The following SLC9A9 variants were observed in gnomAD, a reference collection of about 807,000 sequenced individuals.
SLC9A9 encodes solute carrier family 9 member A9.
A neutral mutation model predicts 77.8 loss-of-function variants in SLC9A9; 62 were observed. The ratio of observed to expected loss-of-function variants is 0.80; its 90% CI spans 0.65 to 0.98. SLC9A9 has a LOEUF of 0.98. Ranked by LOEUF, SLC9A9 falls within the 50% of genes least tolerant of loss-of-function variation. SLC9A9 has a pLI of 0.00. For missense variants in SLC9A9, 775 were observed against 774.9 expected (o/e 1.00, Z 0.00); for synonymous variants, 320 against 283.5 (o/e 1.13, Z -1.29).
chr3:143,709,017 A>G (rs1376688707), intron 4 of SLC9A9, among the ~76,000 whole-genome samples: 1 of 152,228 alleles, frequency 6.6e-6, no homozygotes, highest in Non-Finnish European at 1.5e-5. Context: ...AGGATCAGAC[A>G]TGAGTTATAG....
intron 13 of SLC9A9, among the ~76,000 whole-genome samples, chr3:143,371,142 T>C (rs1169960765): frequency 2.6e-5 from 4 of 152,050 alleles, no homozygotes. Flanking sequence ...CATGCACAGG[T>C]TGAGGTTCAC....
intron 8 of SLC9A9, among the ~76,000 whole-genome samples, chr3:143,561,865 A>G (rs1305839081): frequency 2.0e-5 from 3 of 152,238 alleles, no homozygotes; most frequent in African/African-American, 7.2e-5. Flanking sequence ...CTATTTAACA[A>G]GTGACTGGGA....
chr3:143,727,354 G>A (rs987648715), intron 4 of SLC9A9, among the ~76,000 whole-genome samples: 1 of 152,028 alleles, frequency 6.6e-6, no homozygotes, highest in African/African-American at 2.4e-5. Flanking sequence ...AATGGTGAAT[G>A]AAGAAAATCT....
chr3:143,569,105 T>A (rs1358161842), intron 8 of SLC9A9, among the ~76,000 whole-genome samples: 1 of 152,018 alleles, frequency 6.6e-6, no homozygotes, highest in Non-Finnish European at 1.5e-5. Flanking sequence ...GCCATTTCTC[T>A]TCAAATTAAT....
At chr3:143,723,367 T>G (rs1934553567) in intron 4 of SLC9A9, among the ~76,000 whole-genome samples, 1 of 152,210 alleles carries the variant, frequency 6.6e-6, no homozygotes, top group African/African-American at 2.4e-5. Context: ...CCGGTTTTCC[T>G]GGGTGGAGGG....
chr3:143,327,422 C>G (rs146279808), intron 14 of SLC9A9, among the ~76,000 whole-genome samples: 59 of 152,276 alleles, frequency 3.9e-4, no homozygotes, highest in Non-Finnish European at 7.4e-4. Context: ...TAGCACATAC[C>G]ATATGGAACA....
chr3:143,616,929 T>G (rs1237204380), intron 6 of SLC9A9, among the ~76,000 whole-genome samples: 2 of 151,268 alleles, frequency 1.3e-5, no homozygotes. Context: ...GAGATGATCA[T>G]GCTCCAGTCA....
intron 8 of SLC9A9, among the ~76,000 whole-genome samples, chr3:143,561,210 A>T (rs891706972): frequency 6.6e-6 from 1 of 152,150 alleles, no homozygotes; most frequent in Non-Finnish European, 1.5e-5. Context: ...AATTGAGTTG[A>T]AGGTGAAATC....
chr3:143,795,362 G>C (rs1378857533), intron 3 of SLC9A9, among the ~76,000 whole-genome samples: 1 of 151,784 alleles, frequency 6.6e-6, no homozygotes, highest in Non-Finnish European at 1.5e-5. Context: ...CTGGACCTGA[G>C]AGGGAAGCAA....
intron 2 of SLC9A9, among the ~76,000 whole-genome samples, chr3:143,800,954 C>A (rs1446476082): frequency 6.6e-6 from 1 of 152,214 alleles, no homozygotes; most frequent in East Asian, 1.9e-4. Flanking sequence ...CAAACCCCAA[C>A]ACCTTCTACA....
At chr3:143,300,746 G>T (rs1265389483) in intron 14 of SLC9A9, among the ~76,000 whole-genome samples, 4 of 152,196 alleles carry the variant, frequency 2.6e-5, no homozygotes, top group African/African-American at 4.8e-5. Flanking sequence ...CTGAGCATCA[G>T]GTTTTTTAAA....
intron 9 of SLC9A9, among the ~76,000 whole-genome samples, chr3:143,530,830 A>T (rs2036499254): frequency 6.6e-6 from 1 of 152,170 alleles, no homozygotes; most frequent in African/African-American, 2.4e-5. Context: ...CTCTAACTGA[A>T]TTCATTGAAA....
At chr3:143,551,167 C>T (rs983240441) in intron 9 of SLC9A9, among the ~76,000 whole-genome samples, 2 of 152,078 alleles carry the variant, frequency 1.3e-5, no homozygotes, top group Admixed American at 1.3e-4. Flanking sequence ...CCAAAGAACA[C>T]TAAAGATTCC....
chr3:143,550,702 T>C (rs1001959554), intron 9 of SLC9A9, among the ~76,000 whole-genome samples: 4 of 152,144 alleles, frequency 2.6e-5, no homozygotes, highest in African/African-American at 9.7e-5. Flanking sequence ...CCGATAAAAA[T>C]GGCTGAAGCT....
chr3:143,358,552 G>A (rs567618758), intron 14 of SLC9A9, among the ~76,000 whole-genome samples: 7 of 152,252 alleles, frequency 4.6e-5, no homozygotes, highest in African/African-American at 1.4e-4. Context: ...TTATACACAC[G>A]TTTAAGGGGA....
chr3:143,565,025 C>T (rs2037145584), intron 8 of SLC9A9, among the ~76,000 whole-genome samples: 1 of 152,082 alleles, frequency 6.6e-6, no homozygotes, highest in South Asian at 2.1e-4. Flanking sequence ...TTTCTAGTTC[C>T]CATTTCCTTG....
At chr3:143,395,799 G>C (rs2033714423) in intron 12 of SLC9A9, among the ~76,000 whole-genome samples, 1 of 152,170 alleles carries the variant, frequency 6.6e-6, no homozygotes, top group African/African-American at 2.4e-5. Context: ...GATATGAACA[G>C]ACACTTCTCA....
chr3:143,542,077 C>T (rs887779078), intron 9 of SLC9A9, among the ~76,000 whole-genome samples: 3 of 152,144 alleles, frequency 2.0e-5, no homozygotes, highest in African/African-American at 7.2e-5. Context: ...GGAAATAATT[C>T]TTTCTGGGCA....
chr3:143,352,745 T>C (rs2032493998), intron 14 of SLC9A9, among the ~76,000 whole-genome samples: 1 of 152,216 alleles, frequency 6.6e-6, no homozygotes, highest in Non-Finnish European at 1.5e-5. Flanking sequence ...TCTAAAATAG[T>C]TTTCAAAGTA....
Sources: allele counts gnomAD v4.1 joint callset (sites outside exome capture counted in the v4.1 genomes callset), GRCh38; gene constraint gnomAD v4.1.1; transcripts MANE v1.5; gene names NCBI Gene and HGNC (gene_info 2026-07-23, HGNC 2026-07-21).